Variants in CFAP54 observed in about 807,000 individuals in gnomAD.
CFAP54 encodes the protein cilia- and flagella-associated protein 54.
In CFAP54, 290 loss-of-function variants were observed where a neutral mutation model predicts 370.4. The ratio of observed to expected loss-of-function variants is 0.78; its 90% CI spans 0.71 to 0.86. CFAP54 has a LOEUF of 0.86. Ranked by LOEUF, CFAP54 falls within the 40% of genes least tolerant of loss-of-function variation. The pLI, the probability that CFAP54 is intolerant of heterozygous loss-of-function variation, is 0.00. For missense variants in CFAP54, 3,399 were observed against 3,528.7 expected (o/e 0.96, Z 0.93); for synonymous variants, 1,206 against 1,236.5 (o/e 0.98, Z 0.52).
chr12:96,811,953 G>A (rs560600910), intron 64 of CFAP54, 111 bp downstream of exon 64: 136 of 584,476 alleles, frequency 2.3e-4, no homozygotes, highest in African/African-American at 2.0e-3. Context: ...AAGGCACTTC[G>A]CGAAGAATCT....
At chr12:96,763,780 A>G (rs1290911874) in intron 58 of CFAP54, among the ~76,000 whole-genome samples, 1 of 152,204 alleles carries the variant, frequency 6.6e-6, no homozygotes, top group African/African-American at 2.4e-5. Flanking sequence ...CTATGTCTCA[A>G]AAATGTATAT....
chr12:96,775,038 T>C (rs1443197019), intron 60 of CFAP54, among the ~76,000 whole-genome samples: 1 of 152,150 alleles, frequency 6.6e-6, no homozygotes, highest in Admixed American at 6.5e-5. Context: ...CTTATTTAAG[T>C]CTTTATGGTC....
At chr12:96,826,339 A>AAT (rs1491247308) in intron 65 of CFAP54, among the ~76,000 whole-genome samples, 1 of 140,918 alleles carries the variant, frequency 7.1e-6, no homozygotes, top group African/African-American at 2.6e-5. Context: ...TATAGTCTAC[A>AAT]ATATATATAC....
intron 66 of CFAP54, among the ~76,000 whole-genome samples, chr12:96,835,589 A>G (rs1959183518): frequency 6.6e-6 from 1 of 152,200 alleles, no homozygotes; most frequent in Non-Finnish European, 1.5e-5. Flanking sequence ...TGATTGGAGC[A>G]GGTGCCAACA....
intron 32 of CFAP54, among the ~76,000 whole-genome samples, chr12:96,643,964 G>A (rs1956762303): frequency 6.6e-6 from 1 of 152,008 alleles, no homozygotes; most frequent in Admixed American, 6.6e-5. Flanking sequence ...GACAATACAT[G>A]GTGTCTTTGT....
At chr12:96,680,477 A>T (rs1208697597) in intron 40 of CFAP54, among the ~76,000 whole-genome samples, 2 of 152,174 alleles carry the variant, frequency 1.3e-5, no homozygotes, top group Admixed American at 1.3e-4. Flanking sequence ...TCAGAATAAT[A>T]AGAATAAATT....
chr12:96,835,972 G>A (rs1391999809), intron 66 of CFAP54, among the ~76,000 whole-genome samples: 4 of 152,176 alleles, frequency 2.6e-5, no homozygotes, highest in Non-Finnish European at 5.9e-5. Context: ...TACCTGTCTA[G>A]GGGAGAGAAG....
chr12:96,635,850 A>C (rs573482123), intron 32 of CFAP54, among the ~76,000 whole-genome samples: 6 of 152,322 alleles, frequency 3.9e-5, no homozygotes, highest in Non-Finnish European at 7.4e-5. Context: ...CAAAGTCCAG[A>C]CGGCTTCTGA....
intron 66 of CFAP54, among the ~76,000 whole-genome samples, chr12:96,846,151 G>A (rs1045629292): frequency 6.6e-6 from 1 of 152,178 alleles, no homozygotes; most frequent in Non-Finnish European, 1.5e-5. Flanking sequence ...GAAAATAAAG[G>A]TAAAGATATA....
intron 38 of CFAP54, among the ~76,000 whole-genome samples, chr12:96,660,058 T>C (rs1956974914): frequency 6.6e-6 from 1 of 152,152 alleles, no homozygotes; most frequent in African/African-American, 2.4e-5. Flanking sequence ...CTGAAGAAAA[T>C]AAGTCAACGG....
intron 28 of CFAP54, 35 bp from the exon 29 acceptor site, chr12:96,625,683 A>G: frequency 2.8e-6 from 4 of 1,416,564 alleles, no homozygotes; most frequent in Non-Finnish European, 3.8e-6. Context: ...GCGTTACTAA[A>G]CAGAACATAC....
chr12:96,723,888 C>T (rs529902098), intron 50 of CFAP54, among the ~76,000 whole-genome samples: 70 of 137,062 alleles, frequency 5.1e-4, no homozygotes, highest in African/African-American at 1.8e-3. Flanking sequence ...TCCATGTGTT[C>T]TCAGTGTTCA....
At chr12:96,794,336 CA>C in intron 63 of CFAP54, among the ~76,000 whole-genome samples, 1 of 152,086 alleles carries the variant, frequency 6.6e-6, no homozygotes, top group East Asian at 1.9e-4. Context: ...ATACATTTTC[CA>C]AACTTTTAGA....
chr12:96,494,174 C>G (rs1592811562), intron 1 of CFAP54, among the ~76,000 whole-genome samples: 1 of 152,010 alleles, frequency 6.6e-6, no homozygotes, highest in Non-Finnish European at 1.5e-5. Flanking sequence ...TTAGCAGAAG[C>G]AGAGTGAAAG....
intron 26 of CFAP54, among the ~76,000 whole-genome samples, chr12:96,603,653 T>C (rs1956268383): frequency 6.6e-6 from 1 of 152,240 alleles, no homozygotes; most frequent in Admixed American, 6.5e-5. Context: ...TTTGTTCGTT[T>C]CTTTTTACTC....
intron 26 of CFAP54, among the ~76,000 whole-genome samples, chr12:96,617,760 C>T (rs1956436641): frequency 6.6e-6 from 1 of 152,090 alleles, no homozygotes; most frequent in South Asian, 2.1e-4. Context: ...GGAGGCCAAG[C>T]TGGGCTGATC....
chr12:96,718,372 A>G (rs1957708903), intron 48 of CFAP54, 71 bp from the exon 49 acceptor site: 2 of 802,608 alleles, frequency 2.5e-6, no homozygotes, highest in African/African-American at 3.5e-5. Context: ...ATAAAATAAA[A>G]TAAACCTAGA....
chr12:96,744,986 A>G (rs1420341054), intron 55 of CFAP54, among the ~76,000 whole-genome samples: 3 of 152,154 alleles, frequency 2.0e-5, no homozygotes, highest in Admixed American at 2.0e-4. Flanking sequence ...TGCTGAGGAT[A>G]ATGGCTTCCA....
At chr12:96,634,042 A>G (rs1199627709) in intron 32 of CFAP54, among the ~76,000 whole-genome samples, 2 of 116,718 alleles carry the variant, frequency 1.7e-5, no homozygotes, top group Non-Finnish European at 4.0e-5. Flanking sequence ...ATGATAGCGA[A>G]CATCTTTTTT....
Sources: allele counts gnomAD v4.1 joint callset (sites outside exome capture counted in the v4.1 genomes callset), GRCh38; gene constraint gnomAD v4.1.1; transcripts MANE v1.5; gene names NCBI Gene and HGNC (gene_info 2026-07-23, HGNC 2026-07-21).